Variants in HPSE2 observed in about 807,000 individuals in gnomAD.
HPSE2 encodes the protein inactive heparanase-2.
A neutral mutation model predicts 60.5 loss-of-function variants in HPSE2; 38 were observed. That is an observed-to-expected ratio of 0.63 (90% CI 0.48 to 0.82). The LOEUF (loss-of-function observed/expected upper bound fraction) is 0.82. HPSE2 is among the 40% of genes least tolerant of loss of function. HPSE2 has a pLI of 0.00. For synonymous variants in HPSE2, 295 were observed against 293.2 expected (o/e 1.01, Z -0.06); for missense variants, 713 against 740.4 (o/e 0.96, Z 0.43).
chr10:98,573,446 G>A (rs1944555889), intron 9 of HPSE2, among the ~76,000 whole-genome samples: 1 of 120,386 alleles, frequency 8.3e-6, no homozygotes, highest in Non-Finnish European at 1.8e-5. Flanking sequence ...CAACTGAAGA[G>A]GGACTCTGTG....
chr10:98,513,875 T>C (rs1196150715), intron 9 of HPSE2, among the ~76,000 whole-genome samples: 1 of 152,004 alleles, frequency 6.6e-6, no homozygotes, highest in African/African-American at 2.4e-5. Context: ...TATAGAATCA[T>C]CACATGATCC....
chr10:99,181,927 G>A (rs1847794017), intron 2 of HPSE2, among the ~76,000 whole-genome samples: 1 of 151,886 alleles, frequency 6.6e-6, no homozygotes, highest in African/African-American at 2.4e-5. Flanking sequence ...GATGCACCAG[G>A]GACACTTGCT....
chr10:99,280,628 G>A, the HPSE2 span, among the ~76,000 whole-genome samples: 1 of 152,076 alleles, frequency 6.6e-6, no homozygotes, highest in East Asian at 1.9e-4. Flanking sequence ...GACCAAATTC[G>A]GGAATTATTC....
At chr10:98,534,979 C>T (rs1383467304) in intron 9 of HPSE2, among the ~76,000 whole-genome samples, 1 of 152,120 alleles carries the variant, frequency 6.6e-6, no homozygotes, top group Admixed American at 6.5e-5. Flanking sequence ...ACCTCCTAAG[C>T]TTACTTCATG....
intron 3 of HPSE2, among the ~76,000 whole-genome samples, chr10:98,770,727 A>G (rs936353764): frequency 1.3e-5 from 2 of 151,968 alleles, no homozygotes; most frequent in African/African-American, 4.8e-5. Flanking sequence ...CCTGCTTCCA[A>G]TCAATCTCTG....
intron 3 of HPSE2, among the ~76,000 whole-genome samples, chr10:99,034,885 A>G (rs978931849): frequency 6.6e-6 from 1 of 152,216 alleles, no homozygotes; most frequent in Non-Finnish European, 1.5e-5. Flanking sequence ...CATAGAAAAG[A>G]TACAGTAAAA....
the HPSE2 span, among the ~76,000 whole-genome samples, chr10:99,260,078 C>T: frequency 6.6e-6 from 1 of 152,104 alleles, no homozygotes; most frequent in Non-Finnish European, 1.5e-5. Flanking sequence ...CCCAGAATTT[C>T]AAGATTTTTG....
intron 11 of HPSE2, among the ~76,000 whole-genome samples, chr10:98,461,980 C>T (rs1304453670): frequency 1.3e-5 from 2 of 152,158 alleles, no homozygotes; most frequent in Non-Finnish European, 2.9e-5. Context: ...ACTGAAATCT[C>T]GAATTCCAGG....
At chr10:99,302,795 T>A in the HPSE2 span, among the ~76,000 whole-genome samples, 2 of 151,854 alleles carry the variant, frequency 1.3e-5, no homozygotes, top group Non-Finnish European at 1.5e-5. Flanking sequence ...ATGAACTTTG[T>A]GCCTGTAATG....
At chr10:98,551,190 T>A (rs1343411259) in intron 9 of HPSE2, among the ~76,000 whole-genome samples, 4 of 152,092 alleles carry the variant, frequency 2.6e-5, no homozygotes, top group Non-Finnish European at 5.9e-5. Flanking sequence ...TTATTTTGTA[T>A]GTGGGATTGG....
rs1439923065 is a variant in HPSE2, at chr10:99,048,116, G to A, written c.610+96122C>T. ...TGAACTAATCTACAAGCGTGCTTAT[G>A]GCAAAATCAATAAGAAGCAAATTGC... On this transcript the variant is annotated intron_variant, in intron 3 of 11. Transcript: ENST00000370552. The A allele has an allele frequency of 3.8e-5, 36 of 948,414 alleles. No individual in the cohort carries two copies. In the Admixed American group the frequency reaches 6.4e-4, roughly 17 times the overall value. The allele number at this position is 948,414 out of a possible 1,614,324, so 58.7% of individuals were successfully genotyped here.
chr10:98,505,603 T>G (rs752641433), intron 9 of HPSE2, among the ~76,000 whole-genome samples: 21 of 152,250 alleles, frequency 1.4e-4, no homozygotes, highest in Non-Finnish European at 2.2e-4. Flanking sequence ...AGTCCTTCCC[T>G]ATAACTAGTT....
intron 11 of HPSE2, among the ~76,000 whole-genome samples, chr10:98,473,861 C>T (rs1940889170): frequency 1.3e-5 from 2 of 152,296 alleles, no homozygotes; most frequent in South Asian, 2.1e-4. Flanking sequence ...TGAGACGAGC[C>T]ATCCCATCAA....
intron 3 of HPSE2, among the ~76,000 whole-genome samples, chr10:99,102,898 C>T (rs578169737): frequency 3.2e-4 from 49 of 152,196 alleles, no homozygotes; most frequent in African/African-American, 9.6e-4. Context: ...ATTATCTCAA[C>T]AGATGCAGAA....
chr10:98,477,052 G>A (rs1057241803), intron 11 of HPSE2, among the ~76,000 whole-genome samples: 2 of 152,136 alleles, frequency 1.3e-5, no homozygotes, highest in African/African-American at 4.8e-5. Context: ...GTGCACTAGA[G>A]TAAGGGTCAG....
intron 11 of HPSE2, among the ~76,000 whole-genome samples, chr10:98,472,650 G>A (rs925111874): frequency 3.9e-5 from 6 of 152,186 alleles, no homozygotes; most frequent in South Asian, 4.1e-4. Flanking sequence ...AACAGATTCC[G>A]AGTGAATCAA....
intron 3 of HPSE2, among the ~76,000 whole-genome samples, chr10:98,826,778 A>G (rs748560673): frequency 4.6e-5 from 7 of 152,202 alleles, no homozygotes; most frequent in Non-Finnish European, 8.8e-5. Flanking sequence ...GAGTAAATCC[A>G]CTAGCTCAAG....
At chr10:99,048,950 C>A (rs1000422146) in intron 3 of HPSE2, among the ~76,000 whole-genome samples, 1 of 152,080 alleles carries the variant, frequency 6.6e-6, no homozygotes, top group Non-Finnish European at 1.5e-5. Flanking sequence ...GAGCTGGAGG[C>A]CATAATCCTA....
At chr10:99,152,937 G>A (rs1475752303) in intron 2 of HPSE2, among the ~76,000 whole-genome samples, 1 of 152,264 alleles carries the variant, frequency 6.6e-6, no homozygotes, top group Non-Finnish European at 1.5e-5. Context: ...TGCCTCACTT[G>A]GGAAGCGCAA....
Sources: gnomAD v4.1 joint callset for allele counts (sites outside exome capture counted in the v4.1 genomes callset) on GRCh38, gnomAD v4.1.1 for gene constraint, MANE v1.5 for transcripts, NCBI Gene and HGNC (gene_info 2026-07-23, HGNC 2026-07-21) for gene names.